The following ATPAF1 variants were observed in gnomAD, a reference collection of about 807,000 sequenced individuals.
ATPAF1 encodes homolog of yeast ATP11.
A neutral mutation model predicts 43.9 loss-of-function variants in ATPAF1; 26 were observed. The observed-to-expected ratio is 0.59, with a 90% CI of 0.43 to 0.82. The LOEUF (loss-of-function observed/expected upper bound fraction) is 0.82. Ranked by LOEUF, ATPAF1 falls within the 40% of genes least tolerant of loss-of-function variation. The pLI is 0.00. For synonymous variants in ATPAF1, 157 were observed against 168.0 expected, an observed-to-expected ratio of 0.93 and a Z score of 0.50; for missense variants, 366 against 435.0, an observed-to-expected ratio of 0.84 and a Z score of 1.41.
Position 46,643,838 on chromosome 1 carries a change from A to T in ATPAF1, c.685-537T>A, listed in dbSNP as rs77077781. Among the ~76,000 whole-genome samples the T allele has an allele frequency of 9.0e-3, 1,367 of 152,266 alleles. 23 individuals carry two copies. The highest frequency in any genetic ancestry group is 0.032 in the African/African-American group (1,326 of 41,536). On this transcript the variant is annotated intron_variant, in intron 7 of 8. Coordinates refer to ENST00000574428, the Ensembl canonical transcript of ATPAF1. ...GGAGAAGAAGGATGGAAACACCATGATTTTATGAAGAATGATCAGGGCAGT... is the reference window on the plus strand; with the variant it reads ...GGAGAAGAAGGATGGAAACACCATGTTTTTATGAAGAATGATCAGGGCAGT...
chr1:46,655,905 T>C (rs1280388112), intron 4 of ATPAF1, among the ~76,000 whole-genome samples: 4 of 152,242 alleles, frequency 2.6e-5, no homozygotes, highest in Non-Finnish European at 1.5e-5. Flanking sequence ...TAGGATATGC[T>C]ACTTCATAAT....
In ATPAF1 at chr1:46,665,767, TCCCCCCAA is replaced by T. The variant is rs1472284619; in HGVS notation, c.267-411_267-404del. On this transcript the variant is annotated intron_variant, in intron 1 of 8. Transcript: ENST00000574428. ...AATACATCCAGTTCTTGAAAATATG[TCCCCCCAA>T]CCAGGTTAAACATCTGCTTTATTCA... is the stretch of plus-strand genomic sequence containing the variant. 4 of 1,508,938 alleles carry T rather than the reference TCCCCCCAA, an allele frequency of 2.7e-6. No homozygotes were observed. In the East Asian group the frequency reaches 9.8e-5, roughly 37 times the overall value. 93.5% of individuals were successfully genotyped at this position (1,508,938 alleles called of 1,614,324 possible).
intron 6 of ATPAF1, among the ~76,000 whole-genome samples, chr1:46,649,697 G>A (rs1174146756): frequency 6.6e-6 from 1 of 152,184 alleles, no homozygotes; most frequent in African/African-American, 2.4e-5. Flanking sequence ...GCTGAGGCAG[G>A]AGGATTGCTT....
At position 46,653,407 on chromosome 1, in the gene ATPAF1, C is replaced by T. The variant is rs756800431; in HGVS notation, c.540+410G>A. Among the ~76,000 whole-genome samples, 9 of 152,016 alleles carry T rather than the reference C, an allele frequency of 5.9e-5. No individual in the cohort carries two copies. Among genetic ancestry groups the T allele is most frequent in the Non-Finnish European group, 1.0e-4 (7 of 68,022 alleles). On this transcript the variant is annotated intron_variant, in intron 5 of 8. Transcript: ENST00000574428. This position sits in a 1 kb window ranked among gnomAD's most constrained non-coding sequence, Gnocchi z 4.8. ...AAGGGGAATATTCACCAGAGATAGA[C>T]TAGGAAGAGGCTCCAAGTCAGCTCA...
chr1:46,654,370 T>C (rs544365046), intron 4 of ATPAF1, among the ~76,000 whole-genome samples: 1 of 152,192 alleles, frequency 6.6e-6, no homozygotes, highest in South Asian at 2.1e-4. Flanking sequence ...CCTCACAGAA[T>C]TGTCATGACT....
At chr1:46,666,713 A>C (rs952084966) in intron 1 of ATPAF1, among the ~76,000 whole-genome samples, 9 of 152,224 alleles carry the variant, frequency 5.9e-5, no homozygotes, top group Non-Finnish European at 1.2e-4. Context: ...AACAGATAAA[A>C]CTAGAGAGAG....
intron 1 of ATPAF1, among the ~76,000 whole-genome samples, chr1:46,667,121 A>G (rs1676503967): frequency 6.6e-6 from 1 of 152,216 alleles, no homozygotes; most frequent in African/African-American, 2.4e-5. Flanking sequence ...AGATCACTAC[A>G]GTAGCAGTGA....
Position 46,653,951 on chromosome 1 carries a change from C to T in ATPAF1, c.490-84G>A, listed in dbSNP as rs1229691640. On this transcript the variant is annotated intron_variant, in intron 4 of 8. Transcript: ENST00000574428. This position sits in a 1 kb window ranked among gnomAD's most constrained non-coding sequence, Gnocchi z 4.8. ...AGAAATGGTGACAGTTTTCATTGCT[C>T]AGAGGAATATGCTATTTGATAACAG... is the stretch of plus-strand genomic sequence containing the variant. The T allele has an allele frequency of 2.3e-6, 3 of 1,283,770 alleles. No homozygotes were observed. The highest frequency in any genetic ancestry group is 2.3e-5 in the East Asian group (1 of 42,652). The allele number at this position is 1,283,770 out of a possible 1,614,324, so 79.5% of individuals were successfully genotyped here.
chr1:46,633,737 G>T (rs972198562), downstream of ATPAF1: 1 of 456,086 alleles, frequency 2.2e-6, no homozygotes, highest in Non-Finnish European at 4.4e-6. Context: ...TGATTAAAAC[G>T]AATGGCCACT....
intron 7 of ATPAF1, among the ~76,000 whole-genome samples, chr1:46,644,799 C>T (rs1021127625): frequency 2.0e-5 from 3 of 152,070 alleles, no homozygotes; most frequent in Admixed American, 1.3e-4. Flanking sequence ...GGTAATAAAA[C>T]ACATTTAAGA....
chr1:46,665,201 A>G (rs594118), intron 2 of ATPAF1, 55 bp downstream of exon 2: 487,058 of 1,552,852 alleles, frequency 0.31, 89,736 homozygotes, highest in East Asian at 0.75. Context: ...GGGTGAGGGT[A>G]AGGAGGGTGA....
intron 6 of ATPAF1, among the ~76,000 whole-genome samples, chr1:46,649,152 C>T (rs551862852): frequency 7.0e-4 from 73 of 104,568 alleles, no homozygotes; most frequent in Admixed American, 3.8e-3. Flanking sequence ...AAGCAAGCTC[C>T]GTCTCAAAAA....
exon 3 of ATPAF1, chr1:46,658,693 C>T (rs779542690): frequency 1.9e-6 from 3 of 1,599,592 alleles, no homozygotes; most frequent in Non-Finnish European, 2.6e-6. Context: ...CTACCTTGTC[C>T]TTAGTGAATC....
intron 2 of ATPAF1, among the ~76,000 whole-genome samples, chr1:46,662,829 C>T (rs979208759): frequency 5.3e-5 from 8 of 152,140 alleles, no homozygotes; most frequent in South Asian, 2.1e-4. Flanking sequence ...ATGTACACAA[C>T]GTGCAGGTTT....
intron 6 of ATPAF1, among the ~76,000 whole-genome samples, chr1:46,645,971 T>G (rs1408302461): frequency 6.6e-6 from 1 of 152,126 alleles, no homozygotes; most frequent in Admixed American, 6.5e-5. Flanking sequence ...GCTCAGGAGT[T>G]TGAGGCCAAC....
At chr1:46,655,518 A>G (rs1676254490) in intron 4 of ATPAF1, among the ~76,000 whole-genome samples, 1 of 152,164 alleles carries the variant, frequency 6.6e-6, no homozygotes, top group Non-Finnish European at 1.5e-5. Context: ...TAGTCCTACC[A>G]CCCTAACAAA....
intron 3 of ATPAF1, among the ~76,000 whole-genome samples, 167 bp downstream of exon 3, chr1:46,658,520 T>C (rs1676320292): frequency 1.6e-5 from 2 of 126,826 alleles, no homozygotes; most frequent in South Asian, 5.0e-4. Context: ...CTAGGGGTCA[T>C]GGTCAAGGAC....
intron 6 of ATPAF1, among the ~76,000 whole-genome samples, chr1:46,648,263 C>T (rs1676080183): frequency 1.3e-5 from 2 of 152,150 alleles, no homozygotes; most frequent in African/African-American, 4.8e-5. Flanking sequence ...AGGCACACAC[C>T]ACCACGCCTA....
intron 6 of ATPAF1, among the ~76,000 whole-genome samples, chr1:46,650,497 A>C (rs1392205910): frequency 6.6e-6 from 1 of 152,232 alleles, no homozygotes; most frequent in East Asian, 1.9e-4. Context: ...GAACTACCAC[A>C]TGATCCAGCA....
Sources: allele counts gnomAD v4.1 joint callset (sites outside exome capture counted in the v4.1 genomes callset), GRCh38; gene constraint gnomAD v4.1.1; non-coding constraint Gnocchi (gnomAD v3.1); transcripts MANE v1.5; gene names NCBI Gene and HGNC (gene_info 2026-07-23, HGNC 2026-07-21).